BSN: variants seen among roughly 807,000 people sequenced by gnomAD.
BSN encodes bassoon presynaptic cytomatrix protein.
Under a neutral mutation model 264.8 loss-of-function variants are expected in BSN, and 57 were observed. The observed-to-expected ratio is 0.22, with a 90% CI of 0.17 to 0.27. BSN has a LOEUF of 0.27. BSN is among the 10% of genes least tolerant of loss of function. The probability of loss-of-function intolerance (pLI) is 1.00; values close to 1 mark genes in which losing one functional copy is unlikely to be tolerated. For missense variants in BSN, 4,615 were observed against 5,232.5 expected, an observed-to-expected ratio of 0.88 and a Z score of 3.64; for synonymous variants, 2,059 against 2,137.3, an observed-to-expected ratio of 0.96 and a Z score of 1.01.
At chr3:49,633,292 ACT>A (rs1184084790) in intron 2 of BSN, among the ~76,000 whole-genome samples, 7 of 149,646 alleles carry the variant, frequency 4.7e-5, no homozygotes, top group African/African-American at 9.9e-5. Context: ...ACTGAGCGAG[ACT>A]CTGTCTCAAA....
At position 49,593,433 on chromosome 3, in the gene BSN, G is replaced by C. The variant is rs565420073; in HGVS notation, c.225-31542G>C. ...TAAATGTCCAGAAATAAAATCGCTGGGTCATTTGGTAGTTGCATGCTTAGT... is the reference window on the plus strand; with the variant it reads ...TAAATGTCCAGAAATAAAATCGCTGCGTCATTTGGTAGTTGCATGCTTAGT... On this transcript the variant is annotated intron_variant, in intron 1 of 11. Transcript: ENST00000296452. Among the ~76,000 whole-genome samples the C allele has an allele frequency of 3.9e-5, 6 of 152,230 alleles. 1 individual carries two copies. The highest frequency in any genetic ancestry group is 1.4e-4 in the African/African-American group (6 of 41,532).
rs185818726 is a variant in BSN at position 49,608,766 on chromosome 3, T to C, written c.225-16209T>C. 2.6e-3 allele frequency among the ~76,000 whole-genome samples: 390 copies of C among 151,180 alleles called. 2 individuals are homozygous for C. The East Asian group carries it at 0.027, about 11-fold the overall frequency. Reference sequence around the variant, plus strand: ...TTGCTTGAACCCAGGAGGCGGAGGTTGCAGTGAGCCGAGATCGTGCCACTG... The same window carrying C: ...TTGCTTGAACCCAGGAGGCGGAGGTCGCAGTGAGCCGAGATCGTGCCACTG... On this transcript the variant is annotated intron_variant, in intron 1 of 11. Coordinates refer to ENST00000296452, the MANE Select transcript of BSN (RefSeq NM_003458.4).
intron 1 of BSN, among the ~76,000 whole-genome samples, chr3:49,596,476 G>A (rs2052023814): frequency 6.6e-6 from 1 of 152,050 alleles, no homozygotes; most frequent in African/African-American, 2.4e-5. Context: ...ATAATTCCCT[G>A]TTATTCCTAC....
rs113320218 is a variant in BSN at position 49,603,151 on chromosome 3, C to G, written c.225-21824C>G. Among the ~76,000 whole-genome samples the G allele has an allele frequency of 2.0e-5, 3 of 152,324 alleles. 1 individual carries two copies. Among genetic ancestry groups the G allele is most frequent in the African/African-American group, 7.2e-5 (3 of 41,568 alleles). On this transcript the variant is annotated intron_variant, in intron 1 of 11. Transcript: ENST00000296452. ...TCATGCCCCTCCACTGCTGGCCCCT[C>G]AAGGACAACCAGCCTGGAAACTTGA...
Position 49,650,793 on chromosome 3 carries a change from C to T in BSN, c.1700C>T (p.Pro567Leu). The T allele has an allele frequency of 1.2e-6, 2 of 1,613,968 alleles. No individual in the cohort carries two copies. Among genetic ancestry groups the T allele is most frequent in the Non-Finnish European group, 1.7e-6 (2 of 1,179,968 alleles). Residue 567 changes from proline to leucine, a missense_variant, in exon 4 of 12, where the codon CCC becomes CTC. By Grantham distance (98) the Pro-to-Leu change is moderately conservative. This residue lies in a region of BSN where 1,197 missense variants were observed against 1,348.0 expected (regional missense o/e 0.89). Transcript: ENST00000296452. Reference sequence around the variant, plus strand: ...CAGGGGCTGGGCCAGCCTTCAGGCCCCCTGCCTGCCAAGGCCAGCCCTCTA... The same window carrying T: ...CAGGGGCTGGGCCAGCCTTCAGGCCTCCTGCCTGCCAAGGCCAGCCCTCTA... ...GPQGLGQPSGPLPAKASPLST... is the reference protein window; with the variant it reads ...GPQGLGQPSGLLPAKASPLST...
chr3:49,589,298 A>G (rs755328675), intron 1 of BSN, among the ~76,000 whole-genome samples: 3 of 151,844 alleles, frequency 2.0e-5, no homozygotes, highest in Non-Finnish European at 4.4e-5. Flanking sequence ...TCTTCTGCCT[A>G]GTTGTTCTAT....
chr3:49,586,627 C>T (rs1019650058), intron 1 of BSN, among the ~76,000 whole-genome samples: 1 of 152,250 alleles, frequency 6.6e-6, no homozygotes, highest in Non-Finnish European at 1.5e-5. Context: ...TGGTGTGAGA[C>T]ACCATACCCT....
chr3:49,561,577 T>C (rs1034507576), intron 1 of BSN, among the ~76,000 whole-genome samples: 2 of 152,208 alleles, frequency 1.3e-5, no homozygotes, highest in African/African-American at 4.8e-5. Flanking sequence ...TGACAAAAAT[T>C]ATGCACTATA....
chr3:49,575,597 A>G (rs2051839491), intron 1 of BSN, among the ~76,000 whole-genome samples: 2 of 145,792 alleles, frequency 1.4e-5, no homozygotes, highest in Admixed American at 7.0e-5. Context: ...AGAGTCAAAT[A>G]TATATACATA....
At position 49,656,978 on chromosome 3, in the gene BSN, G is replaced by A. The variant is rs529053123; in HGVS notation, c.7422G>A (p.Lys2474=). The change falls in exon 5 of 12, where the codon AAG becomes AAA. Residue 2474 remains lysine (K), a synonymous_variant. Transcript: ENST00000296452. ...QQLEEQKQRQ[K]APFPAACEAP... is the part of the protein sequence containing the mutation. ...TAGAGGAGCAGAAGCAGCGGCAGAA[G>A]GCTCCCTTTCCTGCAGCCTGTGAGG... 6.2e-7 allele frequency: 1 copy of A among 1,609,052 alleles called. No homozygotes were observed. Among genetic ancestry groups the A allele is most frequent in the South Asian group, 1.1e-5 (1 of 90,852 alleles).
rs200963747 is a variant in BSN, at chr3:49,625,305, A to C, written c.555A>C (p.Pro185=). 97 of 1,599,794 alleles carry C rather than the reference A, an allele frequency of 6.1e-5. No homozygotes were observed. Among genetic ancestry groups the C allele is most frequent in the Non-Finnish European group, 1.1e-5 (13 of 1,173,092 alleles). ...ACCTCACGTCGACCCCCAGCCAGCCAAACTTCAACACCTGCACCCAGTGTC... is the reference window on the plus strand; with the variant it reads ...ACCTCACGTCGACCCCCAGCCAGCCCAACTTCAACACCTGCACCCAGTGTC... ...TSDLTSTPSQ[P]NFNTCTQCHN... is the part of the protein sequence containing the mutation. The change falls in exon 2 of 12, where the codon CCA becomes CCC. Residue 185 remains proline (P), a synonymous_variant. Transcript: ENST00000296452. The surrounding 1 kb of genome is among the most constrained non-coding windows in gnomAD (Gnocchi z 4.4).
chr3:49,579,915 A>G (rs909667249), intron 1 of BSN, among the ~76,000 whole-genome samples: 7 of 152,116 alleles, frequency 4.6e-5, no homozygotes, highest in Non-Finnish European at 1.0e-4. Flanking sequence ...GATTTTTTAG[A>G]TGTTAAGCCA....
In BSN at chr3:49,660,881, A is replaced by G. The variant is rs151022808; in HGVS notation, c.9036A>G (p.Leu3012=). The change falls in exon 6 of 12, where the codon CTA becomes CTG. Residue 3012 remains leucine, a synonymous_variant. Coordinates refer to ENST00000296452, the MANE Select transcript of BSN (RefSeq NM_003458.4). This position sits in a 1 kb window ranked among gnomAD's most constrained non-coding sequence, Gnocchi z 7.1. ...LRGLGEHRDY[L]SDSELNQLRL... is the part of the protein sequence containing the mutation. Reference sequence around the variant, plus strand: ...GTCTTGGCGAGCATCGTGACTACCTATCGGACAGTGAGCTCAACCAGCTGC... The same window carrying G: ...GTCTTGGCGAGCATCGTGACTACCTGTCGGACAGTGAGCTCAACCAGCTGC... The G allele has an allele frequency of 3.8e-4, 609 of 1,613,062 alleles. 2 individuals carry two copies. In the African/African-American group the frequency reaches 5.0e-3, roughly 13 times the overall value.
intron 1 of BSN, among the ~76,000 whole-genome samples, chr3:49,577,542 C>CTT (rs60498586): frequency 6.9e-6 from 1 of 145,562 alleles, no homozygotes. Context: ...TCTTTTCTTT[C>CTT]TTTTTTTTTT....
chr3:49,555,427 T>C, intron 1 of BSN, among the ~76,000 whole-genome samples: 2 of 152,340 alleles, frequency 1.3e-5, no homozygotes, highest in African/African-American at 4.8e-5. Context: ...TAGGATCATG[T>C]GCTTTCACCA....
rs865825330 is a variant in BSN, at chr3:49,663,838, C to A, written c.11560C>A (p.Gln3854Lys). ...TAAAGGGACAGCCAAAGCACCGCAA[C>A]AGGGGAGGGCTCCTCAGGCCCAGCC... is the stretch of plus-strand genomic sequence containing the variant. ...GSKGTAKAPQ[Q>K]GRAPQAQPAP... The change falls in exon 8 of 12, where the codon CAG becomes AAG. Residue 3854 changes from glutamine (Q) to lysine (K), a missense_variant. Gln to Lys is a moderately conservative substitution (Grantham distance 53, BLOSUM62 1). Coordinates refer to ENST00000296452, the MANE Select transcript of BSN (RefSeq NM_003458.4). 5.0e-6 allele frequency: 8 copies of A among 1,614,110 alleles called. No individual in the cohort carries two copies. The highest frequency in any genetic ancestry group is 5.9e-6 in the Non-Finnish European group (7 of 1,180,026).
chr3:49,654,784 C>T lies in BSN; in HGVS notation c.5228C>T (p.Ala1743Val), dbSNP rs2052581248. Reference sequence around the variant, plus strand: ...ACCATGGCCTCGTCTGTGTTCATGGCTCAACAAAAGCAGCCTGTGGTCTAT... The same window carrying T: ...ACCATGGCCTCGTCTGTGTTCATGGTTCAACAAAAGCAGCCTGTGGTCTAT... ...SITMASSVFM[A>V]QQKQPVVYGD... The change falls in exon 5 of 12, where the codon GCT (alanine) becomes GTT (valine). Residue 1743 changes from alanine (A) to valine (V), a missense_variant. Coordinates refer to ENST00000296452, the MANE Select transcript of BSN (RefSeq NM_003458.4). This position sits in a 1 kb window ranked among gnomAD's most constrained non-coding sequence, Gnocchi z 4.1. The T allele has an allele frequency of 1.9e-6, 3 of 1,613,498 alleles. No individual in the cohort carries two copies. The highest frequency in any genetic ancestry group is 1.7e-6 in the Non-Finnish European group (2 of 1,179,906).
In BSN at chr3:49,653,965, A is replaced by G; in HGVS notation, c.4409A>G (p.Tyr1470Cys). ...GGCACTCCTCAGCCTTCCCGGGCAT[A>G]TTCCTACTTTGCAAGCTCCAGCCCA... is the stretch of plus-strand genomic sequence containing the variant. The part of the protein sequence containing the change: ...EGGTPQPSRA[Y>C]SYFASSSPPL... Residue 1470 changes from tyrosine to cysteine, a missense_variant, in exon 5 of 12, where the codon TAT (tyrosine) becomes TGT (cysteine). Around this residue, in one of 3 missense-constraint regions of BSN, gnomAD observed 3,415 missense variants for 3,866.4 expected, o/e 0.88. Coordinates refer to ENST00000296452, the MANE Select transcript of BSN (RefSeq NM_003458.4). The surrounding 1 kb of genome is among the most constrained non-coding windows in gnomAD (Gnocchi z 6.3). The G allele has an allele frequency of 6.2e-7, 1 of 1,613,984 alleles. No individual in the cohort carries two copies. The highest frequency in any genetic ancestry group is 8.5e-7 in the Non-Finnish European group (1 of 1,179,970).
intron 1 of BSN, among the ~76,000 whole-genome samples, chr3:49,614,002 C>A (rs2052235129): frequency 6.7e-6 from 1 of 149,852 alleles, no homozygotes; most frequent in Non-Finnish European, 1.5e-5. Flanking sequence ...GATGAGCCGT[C>A]ATTCACACAG....
Sources: gnomAD v4.1 joint callset for allele counts (sites outside exome capture counted in the v4.1 genomes callset) on GRCh38, gnomAD v4.1.1 for gene constraint, gnomAD v4.1.1 regional missense constraint, Gnocchi (gnomAD v3.1) non-coding constraint, MANE v1.5 for transcripts, NCBI Gene and HGNC (gene_info 2026-07-23, HGNC 2026-07-21) for gene names.